The following GLIS3 variants were observed in gnomAD, a reference collection of about 807,000 sequenced individuals.
GLIS3 encodes the protein GLIS family zinc finger 3.
In GLIS3, 53 loss-of-function variants were observed where a neutral mutation model predicts 78.6. That is an observed-to-expected ratio of 0.67 (90% CI 0.54 to 0.85). The LOEUF (loss-of-function observed/expected upper bound fraction) is 0.85, where lower values mean the gene tolerates loss of function less well. GLIS3 is among the 40% of genes least tolerant of loss of function. GLIS3 has a pLI of 0.00. For missense variants in GLIS3, 1,703 were observed against 1,231.1 expected (o/e 1.38, Z -5.74); for synonymous variants, 684 against 509.9 (o/e 1.34, Z -4.60).
chr9:4,236,701 AG>A (rs1341272874), intron 2 of GLIS3, among the ~76,000 whole-genome samples: 1 of 152,178 alleles, frequency 6.6e-6, no homozygotes, highest in Non-Finnish European at 1.5e-5. Context: ...AATATTATTG[AG>A]CCCCCACTAT....
At chr9:4,242,968 A>C (rs1483339581) in intron 2 of GLIS3, among the ~76,000 whole-genome samples, 1 of 152,182 alleles carries the variant, frequency 6.6e-6, no homozygotes, top group Non-Finnish European at 1.5e-5. Flanking sequence ...TACTCTTGAT[A>C]AGCCATAAAT....
At chr9:4,113,720 C>T (rs1831408439) in intron 4 of GLIS3, among the ~76,000 whole-genome samples, 2 of 152,182 alleles carry the variant, frequency 1.3e-5, no homozygotes, top group African/African-American at 4.8e-5. Context: ...TGTACCCATA[C>T]ATCAGGCCAC....
Position 3,829,310 on chromosome 9 carries a change from C to T in GLIS3, c.2656G>A (p.Val886Met). ...RAFSTHSGIT[V>M]YDLPSSSSSL... ...TCTAAGTCACAGACAACCAACACAC[C>T]TGTAATGCCCGAGTGAGTCGAGAAG... The change falls in exon 10 of 11, where the codon GTG (valine) becomes ATG (methionine). Residue 886 changes from valine (V) to methionine (M), a missense_variant and splice_region_variant. Physicochemically the swap from Val to Met is conservative, Grantham distance 21 (BLOSUM62 1). Transcript: ENST00000381971. 1 of 1,613,798 alleles carries T rather than the reference C, an allele frequency of 6.2e-7. No individual in the cohort carries two copies. Among genetic ancestry groups the T allele is most frequent in the Non-Finnish European group, 8.5e-7 (1 of 1,179,788 alleles).
At chr9:4,250,228 G>A (rs539141547) in intron 2 of GLIS3, among the ~76,000 whole-genome samples, 1 of 152,234 alleles carries the variant, frequency 6.6e-6, no homozygotes, top group East Asian at 1.9e-4. Context: ...GGTAAAATTC[G>A]GCTGTGAATC....
intron 2 of GLIS3, among the ~76,000 whole-genome samples, chr9:4,261,006 A>G (rs981141339): frequency 6.6e-6 from 1 of 152,344 alleles, no homozygotes; most frequent in Admixed American, 6.5e-5. Flanking sequence ...CTGTAATTAT[A>G]TTTCTACAGG....
chr9:4,014,729 T>C (rs1323128025), intron 4 of GLIS3, among the ~76,000 whole-genome samples: 1 of 152,214 alleles, frequency 6.6e-6, no homozygotes, highest in Non-Finnish European at 1.5e-5. Flanking sequence ...GGTACTTTGT[T>C]AGGGCAGCCA....
the GLIS3 span, among the ~76,000 whole-genome samples, chr9:4,452,087 A>C: frequency 2.0e-5 from 3 of 152,146 alleles, no homozygotes; most frequent in Non-Finnish European, 2.9e-5. Context: ...GATTATCTCA[A>C]TAGATGCAAA....
the GLIS3 span, among the ~76,000 whole-genome samples, chr9:4,397,016 CTT>C: frequency 5.2e-5 from 7 of 133,358 alleles, no homozygotes; most frequent in South Asian, 2.4e-4. Flanking sequence ...ATCCTTTTTT[CTT>C]TTTTTCTTTT....
the GLIS3 span, among the ~76,000 whole-genome samples, chr9:4,434,340 T>C: frequency 1.3e-5 from 2 of 152,140 alleles, no homozygotes; most frequent in Non-Finnish European, 2.9e-5. Context: ...CATGACAATA[T>C]TATAATTTAT....
intron 1 of GLIS3, among the ~76,000 whole-genome samples, chr9:4,295,796 G>C (rs768928551): frequency 6.6e-6 from 1 of 152,206 alleles, no homozygotes; most frequent in Non-Finnish European, 1.5e-5. Context: ...TTTGGCTTTT[G>C]TGTCAACTCT....
chr9:3,850,633 T>A (rs1819368623), intron 9 of GLIS3, among the ~76,000 whole-genome samples: 1 of 152,194 alleles, frequency 6.6e-6, no homozygotes, highest in South Asian at 2.1e-4. Flanking sequence ...GCACTCTACT[T>A]GACTTTCCTA....
chr9:4,361,859 T>C, the GLIS3 span, among the ~76,000 whole-genome samples: 3 of 152,190 alleles, frequency 2.0e-5, no homozygotes, highest in African/African-American at 7.2e-5. Context: ...CTTTCCCCAA[T>C]GGTAAAGGGA....
At chr9:4,209,925 C>A (rs10758574) in intron 2 of GLIS3, among the ~76,000 whole-genome samples, 1 of 151,890 alleles carries the variant, frequency 6.6e-6, no homozygotes, top group African/African-American at 2.4e-5. Flanking sequence ...TGTACAAACA[C>A]AAAGGAGACA....
the GLIS3 span, among the ~76,000 whole-genome samples, chr9:4,358,604 A>T: frequency 6.6e-6 from 1 of 152,186 alleles, no homozygotes; most frequent in Non-Finnish European, 1.5e-5. Flanking sequence ...AATCCTTACC[A>T]TCTCCCTATT....
the GLIS3 span, among the ~76,000 whole-genome samples, chr9:4,383,878 C>A: frequency 6.6e-6 from 1 of 152,154 alleles, no homozygotes; most frequent in Non-Finnish European, 1.5e-5. Flanking sequence ...TTGAAATGGG[C>A]TTCTCCTTGT....
chr9:4,272,476 C>T (rs1826605569), intron 2 of GLIS3, among the ~76,000 whole-genome samples: 1 of 152,164 alleles, frequency 6.6e-6, no homozygotes, highest in African/African-American at 2.4e-5. Flanking sequence ...TACCCACCTC[C>T]TGCCGGGTGT....
chr9:3,900,718 C>CA (rs1459393065), intron 6 of GLIS3: 3 of 152,048 alleles, frequency 2.0e-5, no homozygotes, highest in African/African-American at 7.2e-5. Flanking sequence ...AATACACAGA[C>CA]AAAATATCAG....
At chr9:4,107,644 ACTGCCC>A (rs1322332159) in intron 4 of GLIS3, among the ~76,000 whole-genome samples, 4 of 152,294 alleles carry the variant, frequency 2.6e-5, no homozygotes, top group African/African-American at 9.6e-5. Flanking sequence ...ATATCATGTT[ACTGCCC>A]AAGAGTATCT....
intron 4 of GLIS3, among the ~76,000 whole-genome samples, chr9:4,068,756 A>G (rs1564008062): frequency 6.6e-6 from 1 of 152,030 alleles, no homozygotes; most frequent in Non-Finnish European, 1.5e-5. Flanking sequence ...CTCGAAAAAG[A>G]GCACTGTCAA....
Sources: allele counts gnomAD v4.1 joint callset (sites outside exome capture counted in the v4.1 genomes callset), GRCh38; gene constraint gnomAD v4.1.1; transcripts MANE v1.5; gene names NCBI Gene and HGNC (gene_info 2026-07-23, HGNC 2026-07-21).